Variants in SGCZ observed in about 807,000 individuals in gnomAD.
SGCZ encodes sarcoglycan zeta.
SGCZ carries 40 observed loss-of-function variants against 41.3 expected under a neutral mutation model. The observed-to-expected ratio is 0.97, with a 90% CI of 0.75 to 1.26. SGCZ has a LOEUF of 1.26. SGCZ is among the 50% of genes most tolerant of loss of function. The probability of loss-of-function intolerance (pLI) is 0.00; values close to 1 mark genes in which losing one functional copy is unlikely to be tolerated. For missense variants in SGCZ, 552 were observed against 369.8 expected, an observed-to-expected ratio of 1.49 and a Z score of -4.04; for synonymous variants, 206 against 137.5, an observed-to-expected ratio of 1.50 and a Z score of -3.49.
At chr8:15,154,287 T>C (rs1445779975) in intron 1 of SGCZ, among the ~76,000 whole-genome samples, 1 of 152,224 alleles carries the variant, frequency 6.6e-6, no homozygotes, top group African/African-American at 2.4e-5. Flanking sequence ...TCACTCAAAG[T>C]ACCTGTGGGC....
At chr8:15,071,152 G>C (rs1805336735) in intron 1 of SGCZ, among the ~76,000 whole-genome samples, 1 of 152,050 alleles carries the variant, frequency 6.6e-6, no homozygotes, top group African/African-American at 2.4e-5. Flanking sequence ...TTAATTTATA[G>C]TCTTTAGTAA....
At chr8:15,089,051 T>C (rs1806054492) in intron 1 of SGCZ, among the ~76,000 whole-genome samples, 1 of 152,184 alleles carries the variant, frequency 6.6e-6, no homozygotes, top group Admixed American at 6.5e-5. Context: ...ATTTTATTGC[T>C]ATTAGCAGTG....
chr8:15,009,763 T>A (rs1399019684), intron 1 of SGCZ, among the ~76,000 whole-genome samples: 2 of 152,230 alleles, frequency 1.3e-5, no homozygotes, highest in African/African-American at 4.8e-5. Context: ...TATGCTTGTT[T>A]AGCAAACGCA....
intron 1 of SGCZ, among the ~76,000 whole-genome samples, chr8:14,596,887 G>A (rs969696236): frequency 1.3e-5 from 2 of 152,062 alleles, no homozygotes; most frequent in Non-Finnish European, 2.9e-5. Flanking sequence ...TATATTCCAT[G>A]TGTTTCTGTT....
intron 2 of SGCZ, among the ~76,000 whole-genome samples, chr8:14,376,990 G>C (rs1804155583): frequency 6.6e-6 from 1 of 152,148 alleles, no homozygotes; most frequent in Non-Finnish European, 1.5e-5. Flanking sequence ...TGATTGATGA[G>C]GTGAGAGGAA....
intron 4 of SGCZ, among the ~76,000 whole-genome samples, chr8:14,191,423 G>C (rs771406991): frequency 6.6e-6 from 1 of 152,176 alleles, no homozygotes; most frequent in African/African-American, 2.4e-5. Flanking sequence ...ATGTCAAAGA[G>C]TTTTTCCCCT....
intron 1 of SGCZ, among the ~76,000 whole-genome samples, chr8:14,715,776 G>C (rs1214098678): frequency 1.3e-5 from 2 of 152,088 alleles, no homozygotes; most frequent in Admixed American, 6.6e-5. Context: ...CATCCTGCAA[G>C]TTTATACTTA....
chr8:15,086,305 G>C (rs1805946941), intron 1 of SGCZ, among the ~76,000 whole-genome samples: 1 of 152,114 alleles, frequency 6.6e-6, no homozygotes, highest in Non-Finnish European at 1.5e-5. Context: ...CTACAACGTG[G>C]TTGCTAAAGA....
intron 7 of SGCZ, among the ~76,000 whole-genome samples, chr8:14,099,363 CTT>C (rs1434705604): frequency 6.6e-6 from 1 of 152,208 alleles, no homozygotes; most frequent in Admixed American, 6.5e-5. Context: ...AGTCCAGTGT[CTT>C]TCCTCTACCA....
intron 5 of SGCZ, among the ~76,000 whole-genome samples, chr8:14,147,299 T>G (rs1365885947): frequency 6.6e-6 from 1 of 152,010 alleles, no homozygotes; most frequent in Non-Finnish European, 1.5e-5. Context: ...CAGGACCCAA[T>G]GATCTATTGC....
In SGCZ at chr8:14,360,388, T is replaced by A. The variant is rs546519593; in HGVS notation, c.235-36184A>T. On this transcript the variant is annotated intron_variant, in intron 2 of 7. Transcript: ENST00000382080. ...TTGCTCTATCACCCAGACTGGAGCATGATCTCAACTCGCTGTAACCTCCGC... is the reference window on the plus strand; with the variant it reads ...TTGCTCTATCACCCAGACTGGAGCAAGATCTCAACTCGCTGTAACCTCCGC... Among the ~76,000 whole-genome samples the A allele has an allele frequency of 2.6e-5, 4 of 152,096 alleles. No individual in the cohort carries two copies. The East Asian group carries it at 7.8e-4, about 30-fold the overall frequency.
intron 4 of SGCZ, among the ~76,000 whole-genome samples, chr8:14,229,749 A>G (rs1394527732): frequency 6.6e-6 from 1 of 152,084 alleles, no homozygotes; most frequent in African/African-American, 2.4e-5. Flanking sequence ...ATCTGCAGTC[A>G]ATTAAATGAT....
chr8:14,836,120 C>T (rs1009877086), intron 1 of SGCZ, among the ~76,000 whole-genome samples: 49 of 152,002 alleles, frequency 3.2e-4, no homozygotes, highest in Admixed American at 1.7e-3. Context: ...TTTACTGCCT[C>T]CCCCACACCT....
intron 2 of SGCZ, among the ~76,000 whole-genome samples, chr8:14,327,629 T>G (rs1802169440): frequency 6.6e-6 from 1 of 152,326 alleles, no homozygotes; most frequent in African/African-American, 2.4e-5. Context: ...GTGTTATTAC[T>G]TATGCTATGT....
intron 1 of SGCZ, among the ~76,000 whole-genome samples, chr8:14,914,100 T>A (rs1182001497): frequency 6.6e-6 from 1 of 151,962 alleles, no homozygotes; most frequent in African/African-American, 2.4e-5. Context: ...TGTGAGAGAT[T>A]ACTCAGAAAT....
intron 2 of SGCZ, among the ~76,000 whole-genome samples, chr8:14,398,686 G>C (rs1039155023): frequency 1.3e-5 from 2 of 152,194 alleles, no homozygotes; most frequent in East Asian, 1.9e-4. Context: ...AAGGGTGCTT[G>C]TCAGAAATTC....
At chr8:14,412,941 G>A (rs1799400111) in intron 2 of SGCZ, among the ~76,000 whole-genome samples, 1 of 151,880 alleles carries the variant, frequency 6.6e-6, no homozygotes, top group South Asian at 2.1e-4. Flanking sequence ...TATTATGTCA[G>A]AAAAGTAAAA....
At chr8:14,498,722 G>C (rs1585597102) in intron 2 of SGCZ, among the ~76,000 whole-genome samples, 1 of 151,758 alleles carries the variant, frequency 6.6e-6, no homozygotes. Flanking sequence ...TTACTTATTT[G>C]TGTTACTCAT....
intron 1 of SGCZ, among the ~76,000 whole-genome samples, chr8:14,569,182 G>A (rs564993801): frequency 1.3e-5 from 2 of 152,204 alleles, no homozygotes; most frequent in South Asian, 2.1e-4. Flanking sequence ...ATAAAATTGA[G>A]CTATTTAGTC....
Sources: allele counts gnomAD v4.1 joint callset (sites outside exome capture counted in the v4.1 genomes callset), GRCh38; gene constraint gnomAD v4.1.1; transcripts MANE v1.5; gene names NCBI Gene and HGNC (gene_info 2026-07-23, HGNC 2026-07-21).